Variants in GTF2E1 observed in about 807,000 individuals in gnomAD.
GTF2E1 encodes TFIIE alpha subunit.
A neutral mutation model predicts 34.9 loss-of-function variants in GTF2E1; 14 were observed. The observed-to-expected ratio is 0.40, with a 90% CI of 0.27 to 0.63. The LOEUF is 0.63. GTF2E1 is among the 20% of genes least tolerant of loss of function. The pLI, the probability that GTF2E1 is intolerant of heterozygous loss-of-function variation, is 0.39. For synonymous variants in GTF2E1, 188 were observed against 192.9 expected (o/e 0.97, Z 0.21); for missense variants, 469 against 557.7 (o/e 0.84, Z 1.60).
intron 2 of GTF2E1, among the ~76,000 whole-genome samples, chr3:120,760,478 G>T (rs544737023): frequency 1.8e-4 from 28 of 152,278 alleles, no homozygotes; most frequent in African/African-American, 6.7e-4. Flanking sequence ...GAATAGGAGT[G>T]GTGAGAGAGG....
intron 2 of GTF2E1, among the ~76,000 whole-genome samples, chr3:120,757,965 C>T (rs932726926): frequency 6.6e-6 from 1 of 152,138 alleles, no homozygotes; most frequent in Non-Finnish European, 1.5e-5. Context: ...GAGTTCAAGA[C>T]CAGCCTGGCC....
chr3:120,772,866 C>G (rs758514248), intron 3 of GTF2E1, among the ~76,000 whole-genome samples: 1 of 152,066 alleles, frequency 6.6e-6, no homozygotes, highest in Non-Finnish European at 1.5e-5. Context: ...TTTCCATATC[C>G]CCCACTCACT....
chr3:120,751,901 G>A lies in GTF2E1; in HGVS notation c.448+901G>A, dbSNP rs546685397. Among the ~76,000 whole-genome samples the A allele has an allele frequency of 6.6e-5, 10 of 152,052 alleles. No homozygotes were observed. In the South Asian group the frequency reaches 1.2e-3, roughly 19 times the overall value. ...ATAGATCTGCTTTTTTAAAAACTTC[G>A]TCTGAAAGTTTAAACTTTGACCCAT... On this transcript the variant is annotated intron_variant, in intron 2 of 4. Transcript: ENST00000283875.
At position 120,750,966 on chromosome 3, in the gene GTF2E1, C is replaced by T; in HGVS notation, c.414C>T (p.Asp138=). ...CTGTCTGTAGTAGTACTTTCACAGA[C>T]TTAGAAGCTAATCAGCTCTTTGATC... ...KCPVCSSTFT[D]LEANQLFDPM... Residue 138 remains aspartate (D), a synonymous_variant, in exon 2 of 5, where the codon GAC becomes GAT. Transcript: ENST00000283875. 1 of 1,613,464 alleles carries T rather than the reference C, an allele frequency of 6.2e-7. No individual in the cohort carries two copies.
chr3:120,756,293 A>G lies in GTF2E1; in HGVS notation c.448+5293A>G, dbSNP rs905299632. Among the ~76,000 whole-genome samples, 7 of 152,106 alleles carry G rather than the reference A, an allele frequency of 4.6e-5. No homozygotes were observed. In the East Asian group the frequency reaches 1.3e-3, roughly 29 times the overall value. On this transcript the variant is annotated intron_variant, in intron 2 of 4. Transcript: ENST00000283875. Reference sequence around the variant, plus strand: ...ATTTGTTATTGCCAGGACAGGAGGTATCTTATAAGCAGTGTTTTCAATTCC... The same window carrying G: ...ATTTGTTATTGCCAGGACAGGAGGTGTCTTATAAGCAGTGTTTTCAATTCC...
At chr3:120,749,597 A>G (rs1709144541) in intron 1 of GTF2E1, 3 of 152,164 alleles carry the variant, frequency 2.0e-5, no homozygotes, top group Non-Finnish European at 4.4e-5. Context: ...CATCCCAGGG[A>G]TGAAGCCCAC....
At chr3:120,756,940 CA>C (rs1178255847) in intron 2 of GTF2E1, among the ~76,000 whole-genome samples, 1 of 151,450 alleles carries the variant, frequency 6.6e-6, no homozygotes, top group African/African-American at 2.4e-5. Flanking sequence ...AACAAACAAA[CA>C]AACAAAAAAA....
intron 4 of GTF2E1, among the ~76,000 whole-genome samples, chr3:120,777,471 G>C (rs1272055153): frequency 6.6e-6 from 1 of 152,090 alleles, no homozygotes; most frequent in African/African-American, 2.4e-5. Context: ...ACGTGAGTTT[G>C]GTGATATGTT....
chr3:120,776,559 G>C lies in GTF2E1; in HGVS notation c.787G>C (p.Asp263His), dbSNP rs1363735375. ...TGTCATTAACATGGATGACCAAGAA[G>C]ATCTTCATCGAGCCTCACTGGAAGG... ...NVVINMDDQE[D>H]LHRASLEGKS... Residue 263 changes from aspartate (D) to histidine (H), a missense_variant, in exon 4 of 5, where the codon GAT becomes CAT. Coordinates refer to ENST00000283875, the MANE Select transcript of GTF2E1 (RefSeq NM_005513.3). 1 of 1,613,992 alleles carries C rather than the reference G, an allele frequency of 6.2e-7. No homozygotes were observed. The highest frequency in any genetic ancestry group is 1.3e-5 in the African/African-American group (1 of 75,022).
rs1182917706 is a variant in GTF2E1, at chr3:120,742,788, C to G, written c.-37C>G. On this transcript the variant is annotated 5_prime_UTR_variant, in exon 1 of 5. Transcript: ENST00000283875. The stretch of plus-strand genomic sequence containing the variant: ...GCTGTAGTGGGAGTGTTCCAGGATT[C>G]GCCTTGGTAAACCTTGTTCCCTGTT... 1.4e-5 allele frequency: 7 copies of G among 495,018 alleles called. No individual in the cohort carries two copies. The highest frequency in any genetic ancestry group is 3.8e-5 in the East Asian group (1 of 26,192). The allele number at this position is 495,018 out of a possible 1,614,324, so 30.7% of individuals were successfully genotyped here.
chr3:120,745,745 G>A (rs1239366683), intron 1 of GTF2E1, among the ~76,000 whole-genome samples: 1 of 152,162 alleles, frequency 6.6e-6, no homozygotes, highest in Non-Finnish European at 1.5e-5. Flanking sequence ...CATATGTTGT[G>A]TTCTGACAAC....
At chr3:120,778,405 G>A (rs55866013) in intron 4 of GTF2E1, among the ~76,000 whole-genome samples, 9,707 of 152,072 alleles carry the variant, frequency 0.064, 896 homozygotes, top group African/African-American at 0.2. Context: ...GTATGAAGTG[G>A]GTCTTAACAC....
intron 2 of GTF2E1, among the ~76,000 whole-genome samples, chr3:120,755,757 C>G (rs1302414526): frequency 6.6e-6 from 1 of 152,108 alleles, no homozygotes; most frequent in African/African-American, 2.4e-5. Flanking sequence ...AGCCATCCCC[C>G]ATCCCTACTA....
At chr3:120,764,458 C>T (rs1225268804) in intron 2 of GTF2E1, among the ~76,000 whole-genome samples, 1 of 152,180 alleles carries the variant, frequency 6.6e-6, no homozygotes, top group Non-Finnish European at 1.5e-5. Context: ...CACTTAAGCA[C>T]CCTGTGCCAT....
At position 120,758,404 on chromosome 3, in the gene GTF2E1, C is replaced by G. The variant is rs138814278; in HGVS notation, c.448+7404C>G. ...AGAAATCTAACAATGTAAAGTGATT[C>G]TTTTTTTATTTTTTAAATTTTATTT... is the stretch of plus-strand genomic sequence containing the variant. On this transcript the variant is annotated intron_variant, in intron 2 of 4. Coordinates refer to ENST00000283875, the MANE Select transcript of GTF2E1 (RefSeq NM_005513.3). Among the ~76,000 whole-genome samples, 14 of 151,976 alleles carry G rather than the reference C, an allele frequency of 9.2e-5. No homozygotes were observed. The East Asian group carries it at 1.7e-3, about 19-fold the overall frequency.
intron 2 of GTF2E1, among the ~76,000 whole-genome samples, chr3:120,770,465 A>G (rs1709342299): frequency 6.6e-6 from 1 of 152,168 alleles, no homozygotes; most frequent in Non-Finnish European, 1.5e-5. Flanking sequence ...TACATATTAG[A>G]AATATTGTGA....
intron 2 of GTF2E1, among the ~76,000 whole-genome samples, chr3:120,761,129 C>T (rs1271226549): frequency 6.6e-6 from 1 of 152,136 alleles, no homozygotes; most frequent in Non-Finnish European, 1.5e-5. Context: ...GATTCAACTT[C>T]TTCCTGGTTT....
chr3:120,775,328 A>G (rs1279736196), intron 3 of GTF2E1, among the ~76,000 whole-genome samples: 3 of 152,182 alleles, frequency 2.0e-5, no homozygotes, highest in Non-Finnish European at 4.4e-5. Flanking sequence ...ATAAAGGAGA[A>G]ACGTGAGACC....
chr3:120,748,521 T>C (rs1476288792), intron 1 of GTF2E1, among the ~76,000 whole-genome samples: 2 of 152,194 alleles, frequency 1.3e-5, no homozygotes, highest in Middle Eastern at 3.2e-3. Flanking sequence ...CTTTCCCCAT[T>C]GCTTGTTTTT....
Sources: allele counts gnomAD v4.1 joint callset (sites outside exome capture counted in the v4.1 genomes callset), GRCh38; gene constraint gnomAD v4.1.1; transcripts MANE v1.5; gene names NCBI Gene and HGNC (gene_info 2026-07-23, HGNC 2026-07-21).